Variants in XRN1 observed in about 807,000 individuals in gnomAD.
XRN1 encodes 5'-3' exoribonuclease 1, also known as strand-exchange protein 1 homolog.
Under a neutral mutation model 222.3 loss-of-function variants are expected in XRN1, and 67 were observed. The observed-to-expected ratio is 0.30, with a 90% CI of 0.25 to 0.37. The LOEUF is 0.37. XRN1 is among the 10% of genes least tolerant of loss of function. The pLI is 1.00. For missense variants in XRN1, 1,707 were observed against 2,000.2 expected, an observed-to-expected ratio of 0.85 and a Z score of 2.80; for synonymous variants, 643 against 652.4, an observed-to-expected ratio of 0.99 and a Z score of 0.22.
At position 142,348,013 on chromosome 3, in the gene XRN1, T is replaced by C. The variant is rs150871867; in HGVS notation, c.3769-671A>G. On this transcript the variant is annotated intron_variant, in intron 32 of 40. Transcript: ENST00000392981. ...ATGTTTCTTCACCTTTAGAGAAATA[T>C]CAGTCTCTAAAGATCCCCCTAGATT... Among the ~76,000 whole-genome samples the C allele has an allele frequency of 7.9e-5, 12 of 152,228 alleles. No homozygotes were observed. In the East Asian group the frequency reaches 2.3e-3, roughly 29 times the overall value.
Position 142,375,891 on chromosome 3 carries a change from T to C in XRN1, c.2885A>G (p.Lys962Arg). The C allele has an allele frequency of 6.2e-7, 1 of 1,613,994 alleles. No individual in the cohort carries two copies. ...NVGLNLKFNK[K>R]NEEVPGYTKK... Reference sequence around the variant, plus strand: ...AGTATATCCAGGTACCTCCTCATTTTTCTTGTTGAATTTGAGATTTAAACC... The same window carrying C: ...AGTATATCCAGGTACCTCCTCATTTCTCTTGTTGAATTTGAGATTTAAACC... The change falls in exon 25 of 41, where the codon AAA becomes AGA. Residue 962 changes from lysine (K) to arginine (R), a missense_variant. Physicochemically the swap from Lys to Arg is conservative, Grantham distance 26 (BLOSUM62 2). This residue lies in a region of XRN1 where 1,234 missense variants were observed against 1,518.2 expected (regional missense o/e 0.81). Coordinates refer to ENST00000392981, the MANE Select transcript of XRN1 (RefSeq NM_001282857.2).
At chr3:142,352,957 TGATCTAAGCTGAGAA>T (rs1329180269) in intron 32 of XRN1, among the ~76,000 whole-genome samples, 2 of 152,224 alleles carry the variant, frequency 1.3e-5, no homozygotes, top group Non-Finnish European at 2.9e-5. Flanking sequence ...CATTCCTTTT[TGATCTAAGCTGAGAA>T]GATAGGTAAC....
At chr3:142,371,872 G>A (rs1275430173) in intron 25 of XRN1, among the ~76,000 whole-genome samples, 1 of 152,102 alleles carries the variant, frequency 6.6e-6, no homozygotes, top group African/African-American at 2.4e-5. Flanking sequence ...AATGAAGCAC[G>A]GTATCTGGTG....
At chr3:142,326,006 T>G (rs1324928207) in intron 37 of XRN1, among the ~76,000 whole-genome samples, 1 of 152,182 alleles carries the variant, frequency 6.6e-6, no homozygotes. Flanking sequence ...GGATTCTCTA[T>G]TCTGTTCCAT....
intron 33 of XRN1, among the ~76,000 whole-genome samples, chr3:142,345,957 C>T (rs896456324): frequency 2.6e-5 from 4 of 152,112 alleles, no homozygotes; most frequent in African/African-American, 9.7e-5. Flanking sequence ...TGGTAATATC[C>T]AAACAGTTCG....
At chr3:142,418,289 G>C (rs1236792284) in intron 12 of XRN1, 1 of 446,018 alleles carries the variant, frequency 2.2e-6, no homozygotes, top group East Asian at 3.6e-5. Flanking sequence ...TATACATAAG[G>C]ATCATTTTCT....
intron 2 of XRN1, among the ~76,000 whole-genome samples, chr3:142,432,415 T>C (rs1324848551): frequency 6.6e-6 from 1 of 151,110 alleles, no homozygotes; most frequent in African/African-American, 2.4e-5. Flanking sequence ...AGTGAGATTC[T>C]GTCTCAACAA....
rs764497396 is a variant in XRN1 at position 142,318,684 on chromosome 3, C to T, written c.4529G>A (p.Gly1510Asp). Residue 1510 changes from glycine (G) to aspartate (D), a missense_variant, in exon 39 of 41, where the codon GGC (glycine) becomes GAC (aspartate). Transcript: ENST00000392981. ...LFALQQLGSL[G>D]MNFPLPSQVF... The stretch of plus-strand genomic sequence containing the variant: ...TTGTGAAGGCAAAGGGAAATTCATG[C>T]CTAAGGAGCCCTGTGGAAGTATTTA... The T allele has an allele frequency of 1.9e-6, 3 of 1,608,952 alleles. No individual in the cohort carries two copies. The highest frequency in any genetic ancestry group is 2.7e-5 in the African/African-American group (2 of 74,956).
At position 142,447,909 on chromosome 3, in the gene XRN1, C is replaced by G; in HGVS notation, c.36G>C (p.Glu12Asp). The G allele has an allele frequency of 6.2e-7, 1 of 1,614,052 alleles. No individual in the cohort carries two copies. Among genetic ancestry groups the G allele is most frequent in the Non-Finnish European group, 8.5e-7 (1 of 1,179,994 alleles). ...GVPKFYRWIS[E>D]RYPCLSEVVK... ...CCACTTCGCTGAGACAGGGATACCGCTCTGAGATCCATCTGTAAAACTTGG... is the reference window on the plus strand; with the variant it reads ...CCACTTCGCTGAGACAGGGATACCGGTCTGAGATCCATCTGTAAAACTTGG... Residue 12 changes from glutamate to aspartate, a missense_variant, in exon 1 of 41, where the codon GAG becomes GAC. By Grantham distance (45) the Glu-to-Asp change is conservative. Transcript: ENST00000392981. The surrounding 1 kb of genome is among the most constrained non-coding windows in gnomAD (Gnocchi z 4.2).
chr3:142,417,506 A>G (rs957584348), intron 12 of XRN1, among the ~76,000 whole-genome samples: 1 of 152,224 alleles, frequency 6.6e-6, no homozygotes, highest in Non-Finnish European at 1.5e-5. Context: ...CAAAGGTTGA[A>G]GATTTACCCA....
At chr3:142,423,207 C>T (rs1245098447) in intron 6 of XRN1, among the ~76,000 whole-genome samples, 5 of 152,146 alleles carry the variant, frequency 3.3e-5, no homozygotes, top group Admixed American at 6.5e-5. Context: ...TAAGAAACTA[C>T]TGAGATCTGG....
chr3:142,310,707 T>C lies in XRN1; in HGVS notation c.*804A>G. 1 of 152,782 alleles carries C rather than the reference T, an allele frequency of 6.5e-6. No individual in the cohort carries two copies. Among genetic ancestry groups the C allele is most frequent in the Middle Eastern group, 3.4e-3 (1 of 294 alleles). 9.5% of individuals were successfully genotyped at this position (152,782 alleles called of 1,614,324 possible). On this transcript the variant is annotated 3_prime_UTR_variant, in exon 41 of 41. Coordinates refer to ENST00000392981, the MANE Select transcript of XRN1 (RefSeq NM_001282857.2). The stretch of plus-strand genomic sequence containing the variant: ...ATTAATTAACATGACTAATATTTCA[T>C]ATTTTATTTTGTTAGAAGATTAATT...
chr3:142,426,848 G>A lies in XRN1; in HGVS notation c.309-7C>T, dbSNP rs1249278536. 1 of 1,610,132 alleles carries A rather than the reference G, an allele frequency of 6.2e-7. No homozygotes were observed. The highest frequency in any genetic ancestry group is 8.5e-7 in the Non-Finnish European group (1 of 1,178,656). On this transcript the variant is annotated splice_region_variant and splice_polypyrimidine_tract_variant and intron_variant, in intron 2 of 40. Transcript: ENST00000392981. ...TTCTGCCTCCTTTGCTGACCTTAAA[G>A]GTTAAGGGAAAAAAGTACCTTAAGT...
chr3:142,329,721 G>C (rs2065637381), intron 36 of XRN1, 106 bp from the exon 37 acceptor site: 1 of 1,132,498 alleles, frequency 8.8e-7, no homozygotes, highest in South Asian at 1.8e-5. Flanking sequence ...CTGCTAAAAA[G>C]TGAAGTGAAT....
At chr3:142,322,921 T>G (rs2065399930) in intron 37 of XRN1, among the ~76,000 whole-genome samples, 1 of 152,146 alleles carries the variant, frequency 6.6e-6, no homozygotes, top group Non-Finnish European at 1.5e-5. Flanking sequence ...GATAATCGCT[T>G]GAACCCGGGA....
chr3:142,421,268 CT>C, intron 9 of XRN1, 115 bp from the exon 10 acceptor site: 1 of 1,079,260 alleles, frequency 9.3e-7, no homozygotes, highest in Non-Finnish European at 1.3e-6. Context: ...GAATGTTACT[CT>C]TTTATATATA....
intron 32 of XRN1, 68 bp downstream of exon 32, chr3:142,355,333 T>C: frequency 1.2e-6 from 1 of 825,858 alleles, no homozygotes; most frequent in Non-Finnish European, 1.7e-6. Context: ...ATCATTGTAG[T>C]CTTAAAAGAA....
intron 36 of XRN1, among the ~76,000 whole-genome samples, chr3:142,330,419 T>C (rs928116539): frequency 3.9e-5 from 6 of 152,158 alleles, no homozygotes; most frequent in African/African-American, 1.4e-4. Flanking sequence ...TTCTTTATGA[T>C]TAACAAACTC....
Position 142,312,700 on chromosome 3 carries a change from C to A in XRN1, c.4680G>T (p.Val1560=). Residue 1560 remains valine (V), a synonymous_variant, in exon 40 of 41, where the codon GTG becomes GTT. Coordinates refer to ENST00000392981, the MANE Select transcript of XRN1 (RefSeq NM_001282857.2). ...LFGSMPWGPS[V]PVPGKPFHHT... ...GATGGAAGGGCTTCCCAGGAACTGG[C>A]ACCGATGGTCCCCATGGCATTGAGC... The A allele has an allele frequency of 6.2e-7, 1 of 1,613,866 alleles. No homozygotes were observed. The highest frequency in any genetic ancestry group is 8.5e-7 in the Non-Finnish European group (1 of 1,179,798).
Sources: allele counts gnomAD v4.1 joint callset (sites outside exome capture counted in the v4.1 genomes callset), GRCh38; gene constraint gnomAD v4.1.1; regional missense constraint gnomAD v4.1.1; non-coding constraint Gnocchi (gnomAD v3.1); transcripts MANE v1.5; gene names NCBI Gene and HGNC (gene_info 2026-07-23, HGNC 2026-07-21).